GARRE1: variants seen among roughly 807,000 people sequenced by gnomAD.
GARRE1 encodes granule associated Rac and RHOG effector 1, also known as granule associated Rac and RHOG effector protein 1.
Under a neutral mutation model 103.2 loss-of-function variants are expected in GARRE1, and 49 were observed. The observed-to-expected ratio is 0.47, with a 90% CI of 0.38 to 0.60. The LOEUF (loss-of-function observed/expected upper bound fraction) is 0.60, where lower values mean the gene tolerates loss of function less well. Among genes scored for constraint, GARRE1 ranks in the 20% least tolerant of loss-of-function variants. The probability of loss-of-function intolerance (pLI) is 0.00; values close to 1 mark genes in which losing one functional copy is unlikely to be tolerated. For missense variants in GARRE1, 1,199 were observed against 1,370.5 expected (o/e 0.87, Z 1.98); for synonymous variants, 505 against 532.8 (o/e 0.95, Z 0.72).
intron 2 of GARRE1, among the ~76,000 whole-genome samples, chr19:34,317,079 C>G (rs767691518): frequency 7.2e-5 from 11 of 152,212 alleles, no homozygotes; most frequent in Non-Finnish European, 8.8e-5. Flanking sequence ...TTCAGCCATT[C>G]CTCAGAACTT....
chr19:34,346,319 C>T (rs770216842), intron 10 of GARRE1, among the ~76,000 whole-genome samples: 1 of 152,120 alleles, frequency 6.6e-6, no homozygotes, highest in Non-Finnish European at 1.5e-5. Flanking sequence ...ATTTGTACTG[C>T]CCTGTATATC....
rs569146850 is a variant in GARRE1, at chr19:34,283,901, G to A, written c.-795-15778G>A. Among the ~76,000 whole-genome samples the A allele has an allele frequency of 8.9e-5, 13 of 145,552 alleles. No individual in the cohort carries two copies. The South Asian group carries it at 2.6e-3, about 29-fold the overall frequency. Reference sequence around the variant, plus strand: ...GGCTGGAGTGCAGTGGCATGATCTCGGCTCACTGCAAGCTCCGCCTCCCAG... The same window carrying A: ...GGCTGGAGTGCAGTGGCATGATCTCAGCTCACTGCAAGCTCCGCCTCCCAG... On this transcript the variant is annotated intron_variant, in intron 1 of 13. Transcript: ENST00000299505.
chr19:34,268,685 G>T (rs13344789), intron 1 of GARRE1, among the ~76,000 whole-genome samples: 19 of 151,882 alleles, frequency 1.3e-4, no homozygotes, highest in African/African-American at 3.6e-4. Context: ...TTGAGGCCAG[G>T]TATAGTGACT....
rs1012908629 is a variant in GARRE1, at chr19:34,354,366, T to TTA, written c.*1418_*1419dup. On this transcript the variant is annotated 3_prime_UTR_variant, in exon 14 of 14. Coordinates refer to ENST00000299505, the MANE Select transcript of GARRE1 (RefSeq NM_014686.5). ...CGTTTTTCTACAGATATAAGTAAAT[T>TTA]TATATATAAAAATACCAAAAAGAGG... The TTA allele has an allele frequency of 6.6e-6, 1 of 152,132 alleles. No homozygotes were observed. Among genetic ancestry groups the TTA allele is most frequent in the Non-Finnish European group, 1.5e-5 (1 of 68,036 alleles). The allele number at this position is 152,132 out of a possible 1,614,324, so 9.4% of individuals were successfully genotyped here.
chr19:34,296,288 C>T (rs1993114), intron 1 of GARRE1: 29,203 of 710,236 alleles, frequency 0.041, 987 homozygotes, highest in Admixed American at 0.13. Context: ...ACTCTGAAGC[C>T]TTTGTAGGGG....
At chr19:34,325,921 C>T (rs753872767) in intron 3 of GARRE1, among the ~76,000 whole-genome samples, 10 of 152,170 alleles carry the variant, frequency 6.6e-5, no homozygotes, top group African/African-American at 1.4e-4. Flanking sequence ...ACCTTCTCCT[C>T]TAATTCTCAC....
At chr19:34,301,067 C>G (rs2073976458) in intron 2 of GARRE1, 99 bp downstream of exon 2, 1 of 1,251,582 alleles carries the variant, frequency 8.0e-7, no homozygotes, top group Admixed American at 2.2e-5. Context: ...GTAATAGTAG[C>G]CTTTGTCCTC....
chr19:34,270,022 C>T (rs1465657600), intron 1 of GARRE1, among the ~76,000 whole-genome samples: 1 of 152,224 alleles, frequency 6.6e-6, no homozygotes, highest in Non-Finnish European at 1.5e-5. Flanking sequence ...CCATGCCCGC[C>T]TTTCTCTTCT....
At chr19:34,333,134 C>A (rs1431419192) in intron 7 of GARRE1, among the ~76,000 whole-genome samples, 11 of 152,160 alleles carry the variant, frequency 7.2e-5, no homozygotes. Flanking sequence ...GCAACCTCTG[C>A]CTCCTGGGTT....
At chr19:34,270,105 GC>G (rs1207740558) in intron 1 of GARRE1, among the ~76,000 whole-genome samples, 1 of 152,208 alleles carries the variant, frequency 6.6e-6, no homozygotes, top group Non-Finnish European at 1.5e-5. Flanking sequence ...TTTTGTTTCT[GC>G]TTTGTGAACT....
chr19:34,341,236 G>A (rs192584643), intron 9 of GARRE1, 186 bp from the exon 10 acceptor site: 30 of 581,370 alleles, frequency 5.2e-5, no homozygotes, highest in Middle Eastern at 4.6e-4. Context: ...CCAGTCCTGC[G>A]TTAGACACTG....
intron 6 of GARRE1, 141 bp from the exon 7 acceptor site, chr19:34,330,048 G>A (rs1391308841): frequency 5.4e-6 from 4 of 740,742 alleles, no homozygotes; most frequent in East Asian, 5.7e-5. Context: ...TCGTGCCACC[G>A]GACTGCAGCT....
intron 1 of GARRE1, among the ~76,000 whole-genome samples, chr19:34,291,978 C>G (rs2073920506): frequency 6.6e-6 from 1 of 152,014 alleles, no homozygotes; most frequent in Admixed American, 6.6e-5. Flanking sequence ...TCTGCCTCAG[C>G]CTCCTAAATA....
At chr19:34,259,279 T>C (rs1278676754) in intron 1 of GARRE1, among the ~76,000 whole-genome samples, 3 of 152,258 alleles carry the variant, frequency 2.0e-5, no homozygotes, top group African/African-American at 7.2e-5. Flanking sequence ...CTTCTTGATA[T>C]GGATTGTATT....
chr19:34,333,279 T>C (rs1401773878), intron 7 of GARRE1, among the ~76,000 whole-genome samples: 1 of 92 alleles, frequency 0.011, no homozygotes, highest in Non-Finnish European at 0.02. Flanking sequence ...TGACCTCAAG[T>C]GATCACTTGC....
intron 2 of GARRE1, among the ~76,000 whole-genome samples, chr19:34,311,969 A>AATTATT (rs1198294749): frequency 1.3e-5 from 2 of 151,646 alleles, no homozygotes; most frequent in East Asian, 3.9e-4. Flanking sequence ...TTTAATTAAA[A>AATTATT]ATTATTATTA....
chr19:34,293,750 CTTTTTTTTTTTT>C (rs71165643), intron 1 of GARRE1, among the ~76,000 whole-genome samples: 2 of 47,166 alleles, frequency 4.2e-5, no homozygotes, highest in Non-Finnish European at 7.5e-5. Context: ...ACACATATTT[CTTTTTTTTTTTT>C]TTTTTTTTTT....
At chr19:34,289,240 C>T (rs565324864) in intron 1 of GARRE1, among the ~76,000 whole-genome samples, 1 of 151,958 alleles carries the variant, frequency 6.6e-6, no homozygotes, top group Non-Finnish European at 1.5e-5. Flanking sequence ...TGAGACCAGC[C>T]TGCGCAACAT....
At chr19:34,340,797 C>T (rs866313371) in intron 9 of GARRE1, among the ~76,000 whole-genome samples, 3 of 152,136 alleles carry the variant, frequency 2.0e-5, no homozygotes, top group Admixed American at 6.5e-5. Flanking sequence ...GGATTACAGG[C>T]GTGAGCCACC....
Sources: gnomAD v4.1 joint callset for allele counts (sites outside exome capture counted in the v4.1 genomes callset) on GRCh38, gnomAD v4.1.1 for gene constraint, MANE v1.5 for transcripts, NCBI Gene and HGNC (gene_info 2026-07-23, HGNC 2026-07-21) for gene names.